Variants in UBE2E2 observed in about 807,000 individuals in gnomAD.
The protein encoded by UBE2E2 is ubiquitin-conjugating enzyme E2 E2.
UBE2E2 carries 6 observed loss-of-function variants against 24.7 expected under a neutral mutation model. The ratio of observed to expected loss-of-function variants is 0.24; its 90% CI spans 0.13 to 0.48. The LOEUF is 0.48. Among genes scored for constraint, UBE2E2 ranks in the 20% least tolerant of loss-of-function variants. UBE2E2 has a pLI of 0.99. For missense variants in UBE2E2, 169 were observed against 245.0 expected (o/e 0.69, Z 2.07); for synonymous variants, 104 against 83.6 (o/e 1.24, Z -1.33).
At chr3:23,580,780 A>C (rs1165803330) in intron 5 of UBE2E2, among the ~76,000 whole-genome samples, 2 of 152,230 alleles carry the variant, frequency 1.3e-5, no homozygotes, top group Non-Finnish European at 2.9e-5. Context: ...AAAAAGTAGA[A>C]AAGGTTATCC....
chr3:23,549,036 C>T (rs1162613574), intron 5 of UBE2E2, among the ~76,000 whole-genome samples: 1 of 152,172 alleles, frequency 6.6e-6, no homozygotes, highest in Non-Finnish European at 1.5e-5. Flanking sequence ...CCAGTACCTA[C>T]CTTCTTAATA....
intron 3 of UBE2E2, among the ~76,000 whole-genome samples, chr3:23,363,619 C>A (rs1381361293): frequency 2.0e-5 from 3 of 152,180 alleles, no homozygotes; most frequent in African/African-American, 7.2e-5. Context: ...TATATATGTA[C>A]CCACCCCTGG....
chr3:23,231,563 C>A lies in UBE2E2; in HGVS notation c.227+14251C>A, dbSNP rs543168283. Among the ~76,000 whole-genome samples the A allele has an allele frequency of 1.1e-3, 171 of 152,308 alleles. 2 individuals are homozygous for A. Among genetic ancestry groups the A allele is most frequent in the African/African-American group, 4.0e-3 (165 of 41,568 alleles). ...GCAAGCAATCAGTTCTTGAAATCAT[C>A]AAGCAATTGAATCAGTGTCCACAAA... On this transcript the variant is annotated intron_variant, in intron 3 of 5. Coordinates refer to ENST00000396703, the MANE Select transcript of UBE2E2 (RefSeq NM_152653.4).
At chr3:23,258,864 G>T (rs1281934969) in intron 3 of UBE2E2, among the ~76,000 whole-genome samples, 1 of 123,568 alleles carries the variant, frequency 8.1e-6, no homozygotes, top group Non-Finnish European at 1.6e-5. Flanking sequence ...CTGCACTCCA[G>T]CCTGGGTGAC....
chr3:23,267,861 T>C (rs1179232957), intron 3 of UBE2E2, among the ~76,000 whole-genome samples: 4 of 149,596 alleles, frequency 2.7e-5, no homozygotes, highest in African/African-American at 9.8e-5. Context: ...TCCACCATGA[T>C]CAAGTGGGCT....
chr3:23,358,250 A>G (rs1011415615), intron 3 of UBE2E2, among the ~76,000 whole-genome samples: 6 of 152,234 alleles, frequency 3.9e-5, no homozygotes, highest in Non-Finnish European at 8.8e-5. Context: ...ATGTTGAATG[A>G]GAGCTCTCAG....
At chr3:23,571,066 A>G (rs536699498) in intron 5 of UBE2E2, among the ~76,000 whole-genome samples, 1 of 152,178 alleles carries the variant, frequency 6.6e-6, no homozygotes, top group Non-Finnish European at 1.5e-5. Flanking sequence ...ATGCACATAG[A>G]CAATAAAAAA....
intron 4 of UBE2E2, among the ~76,000 whole-genome samples, chr3:23,513,136 A>G (rs147155798): frequency 1.3e-5 from 2 of 152,178 alleles, no homozygotes; most frequent in African/African-American, 4.8e-5. Context: ...TTTCCAGTTT[A>G]TTTTCTTCAT....
intron 5 of UBE2E2, among the ~76,000 whole-genome samples, chr3:23,569,367 T>A (rs1696169199): frequency 6.6e-6 from 1 of 152,204 alleles, no homozygotes; most frequent in Non-Finnish European, 1.5e-5. Flanking sequence ...ACAGGGTTTC[T>A]TTTTGGAATG....
At chr3:23,237,155 C>A (rs1281690030) in intron 3 of UBE2E2, among the ~76,000 whole-genome samples, 1 of 152,096 alleles carries the variant, frequency 6.6e-6, no homozygotes, top group African/African-American at 2.4e-5. Context: ...TGAGTTAATA[C>A]ATGTAAAGCA....
chr3:23,332,119 A>G (rs186522530), intron 3 of UBE2E2, among the ~76,000 whole-genome samples: 12 of 152,120 alleles, frequency 7.9e-5, no homozygotes, highest in African/African-American at 2.9e-4. Flanking sequence ...TATATTTTGT[A>G]TATTCAGTGC....
intron 3 of UBE2E2, among the ~76,000 whole-genome samples, chr3:23,299,842 T>G (rs1699020993): frequency 6.6e-6 from 1 of 152,198 alleles, no homozygotes; most frequent in Non-Finnish European, 1.5e-5. Context: ...GTATCCTTGT[T>G]AACTTTCTGT....
intron 3 of UBE2E2, among the ~76,000 whole-genome samples, chr3:23,328,255 A>G (rs1056885299): frequency 7.9e-5 from 12 of 152,210 alleles, no homozygotes; most frequent in Admixed American, 2.0e-4. Context: ...AGAACCTTCT[A>G]TCTCTGTGTC....
intron 3 of UBE2E2, among the ~76,000 whole-genome samples, chr3:23,288,570 A>T (rs1698679494): frequency 6.6e-6 from 1 of 152,088 alleles, no homozygotes; most frequent in African/African-American, 2.4e-5. Context: ...GCTCAACAAT[A>T]TTTGCTGTAT....
chr3:23,472,868 G>A (rs1451252115), intron 3 of UBE2E2, among the ~76,000 whole-genome samples: 1 of 151,758 alleles, frequency 6.6e-6, no homozygotes. Context: ...GCCTATGCTG[G>A]TCTCAAACTC....
At chr3:23,421,673 T>C (rs925845832) in intron 3 of UBE2E2, among the ~76,000 whole-genome samples, 6 of 152,336 alleles carry the variant, frequency 3.9e-5, no homozygotes, top group African/African-American at 1.4e-4. Context: ...CTCAAAGTGC[T>C]GGGATTACAG....
intron 3 of UBE2E2, chr3:23,271,219 C>G (rs1698232446): frequency 2.6e-6 from 1 of 380,582 alleles, no homozygotes; most frequent in South Asian, 2.1e-5. Context: ...GCCACGGACC[C>G]TCGCGGTGAG....
At chr3:23,489,653 G>T (rs1207843124) in intron 3 of UBE2E2, among the ~76,000 whole-genome samples, 1 of 152,186 alleles carries the variant, frequency 6.6e-6, no homozygotes, top group African/African-American at 2.4e-5. Flanking sequence ...TGCGAGTAAT[G>T]CGAACAATGG....
intron 1 of UBE2E2, among the ~76,000 whole-genome samples, chr3:23,207,899 T>G (rs1245840444): frequency 6.6e-6 from 1 of 152,188 alleles, no homozygotes; most frequent in African/African-American, 2.4e-5. Context: ...ATATTTATTA[T>G]TAGAATTGTG....
Sources: allele counts gnomAD v4.1 joint callset (sites outside exome capture counted in the v4.1 genomes callset), GRCh38; gene constraint gnomAD v4.1.1; transcripts MANE v1.5; gene names NCBI Gene and HGNC (gene_info 2026-07-23, HGNC 2026-07-21).